The following COG5 variants were observed in gnomAD, a reference collection of about 807,000 sequenced individuals.
COG5 encodes component of oligomeric golgi complex 5, also known as conserved oligomeric Golgi complex subunit 5.
In COG5, 86 loss-of-function variants were observed where a neutral mutation model predicts 110.4. The observed-to-expected ratio is 0.78, with a 90% confidence interval of 0.65 to 0.93. The LOEUF (loss-of-function observed/expected upper bound fraction) is 0.93, where lower values mean the gene tolerates loss of function less well. COG5 is among the 40% of genes least tolerant of loss of function. COG5 has a pLI of 0.00. For synonymous variants in COG5, 360 were observed against 334.6 expected (o/e 1.08, Z -0.83); for missense variants, 1,077 against 987.0 (o/e 1.09, Z -1.22).
chr7:107,358,950 A>G (rs938267268), intron 10 of COG5, among the ~76,000 whole-genome samples: 1 of 152,006 alleles, frequency 6.6e-6, no homozygotes, highest in African/African-American at 2.4e-5. Context: ...GCATCCTTTC[A>G]TTGTCACAAA....
chr7:107,462,622 A>AC (rs1563049353), intron 6 of COG5, among the ~76,000 whole-genome samples: 1 of 151,846 alleles, frequency 6.6e-6, no homozygotes, highest in African/African-American at 2.4e-5. Context: ...AAAAAAAAAA[A>AC]AAAAAAAACT....
intron 11 of COG5, among the ~76,000 whole-genome samples, chr7:107,308,285 GTT>G (rs1190824814): frequency 2.0e-5 from 3 of 152,212 alleles, no homozygotes; most frequent in East Asian, 3.9e-4. Context: ...AATTCCTTAT[GTT>G]TGGGTCTTAC....
intron 12 of COG5, among the ~76,000 whole-genome samples, chr7:107,295,066 C>CACACACATATATAT (rs1366898060): frequency 2.2e-5 from 1 of 45,848 alleles, no homozygotes; most frequent in Admixed American, 3.2e-4. Context: ...CACACACACA[C>CACACACATATATAT]ATATATATAT....
chr7:107,438,976 C>T (rs535636016), intron 6 of COG5, among the ~76,000 whole-genome samples: 1 of 152,270 alleles, frequency 6.6e-6, no homozygotes, highest in East Asian at 1.9e-4. Flanking sequence ...TCTTCTCCCT[C>T]CACCCTCTTC....
At chr7:107,478,225 G>T (rs1284223209) in intron 6 of COG5, among the ~76,000 whole-genome samples, 1 of 151,884 alleles carries the variant, frequency 6.6e-6, no homozygotes, top group Non-Finnish European at 1.5e-5. Context: ...TAATTTAAGG[G>T]AGCTGTTACT....
intron 11 of COG5, among the ~76,000 whole-genome samples, chr7:107,311,036 G>A (rs1054348566): frequency 2.0e-5 from 3 of 152,130 alleles, no homozygotes; most frequent in African/African-American, 7.2e-5. Context: ...TTTGGGTTGT[G>A]TGCAATTTTT....
At chr7:107,492,660 C>T (rs114315937) in intron 6 of COG5, among the ~76,000 whole-genome samples, 295 of 152,200 alleles carry the variant, frequency 1.9e-3, no homozygotes, top group African/African-American at 6.6e-3. Flanking sequence ...TCAAAGCCAA[C>T]AATGGCAAAT....
chr7:107,209,614 A>C (rs1370493491), intron 21 of COG5: 2 of 162,690 alleles, frequency 1.2e-5, no homozygotes, highest in Non-Finnish European at 2.6e-5. Flanking sequence ...GGCTAGAAGA[A>C]GATAATTCAG....
chr7:107,379,936 T>A (rs542146167), intron 7 of COG5, among the ~76,000 whole-genome samples: 31 of 152,254 alleles, frequency 2.0e-4, no homozygotes, highest in African/African-American at 7.5e-4. Flanking sequence ...CTAATAGTCA[T>A]CTACAGAACT....
chr7:107,300,169 G>A (rs1807143546), intron 11 of COG5, among the ~76,000 whole-genome samples: 1 of 151,974 alleles, frequency 6.6e-6, no homozygotes, highest in East Asian at 1.9e-4. Context: ...ACTAGGAACA[G>A]AAAGGAACAC....
rs1251907729 is a variant in COG5, at chr7:107,555,586, C to G, written c.235-1244G>C. 7.6e-4 allele frequency among the ~76,000 whole-genome samples: 115 copies of G among 152,190 alleles called. 1 individual carries two copies. Among genetic ancestry groups the G allele is most frequent in the Non-Finnish European group, 7.3e-5 (5 of 68,038 alleles). On this transcript the variant is annotated intron_variant, in intron 2 of 21. Coordinates refer to ENST00000297135, the MANE Select transcript of COG5 (RefSeq NM_006348.5). ...AATATGTCCATCTTAACAAGACTAACTTTTTAAAAATTATCTATTCTCCTT... is the reference window on the plus strand; with the variant it reads ...AATATGTCCATCTTAACAAGACTAAGTTTTTAAAAATTATCTATTCTCCTT...
At chr7:107,269,792 C>T (rs1277175224) in intron 14 of COG5, among the ~76,000 whole-genome samples, 1 of 152,130 alleles carries the variant, frequency 6.6e-6, no homozygotes, top group Non-Finnish European at 1.5e-5. Flanking sequence ...TGCATTCAAC[C>T]ATTAAATAGC....
chr7:107,412,330 C>T (rs1050412908), intron 7 of COG5, among the ~76,000 whole-genome samples, 172 bp downstream of exon 7: 1 of 149,362 alleles, frequency 6.7e-6, no homozygotes, highest in African/African-American at 2.4e-5. Context: ...ATATATTAAA[C>T]ATATATTAAA....
intron 5 of COG5, among the ~76,000 whole-genome samples, chr7:107,545,221 A>G (rs1473479461): frequency 6.6e-6 from 1 of 152,222 alleles, no homozygotes; most frequent in Non-Finnish European, 1.5e-5. Flanking sequence ...TTAAAAAATA[A>G]TAACAAAAAT....
chr7:107,214,216 A>C (rs1799361388), intron 19 of COG5, among the ~76,000 whole-genome samples: 1 of 152,208 alleles, frequency 6.6e-6, no homozygotes, highest in Admixed American at 6.5e-5. Flanking sequence ...TAAACTGTCA[A>C]AAATAAAAGA....
At chr7:107,368,224 GA>G (rs1303802669) in intron 8 of COG5, among the ~76,000 whole-genome samples, 4 of 151,904 alleles carry the variant, frequency 2.6e-5, no homozygotes, top group African/African-American at 9.7e-5. Flanking sequence ...TTCTTATGAA[GA>G]AGCATTAATT....
chr7:107,354,974 T>C (rs2129043278), intron 10 of COG5, among the ~76,000 whole-genome samples: 1 of 152,324 alleles, frequency 6.6e-6, no homozygotes, highest in Middle Eastern at 3.4e-3. Flanking sequence ...GATTTGGCTT[T>C]CCAAATGCTA....
chr7:107,236,418 A>G (rs1168132651), intron 18 of COG5, 32 bp downstream of exon 18: 1 of 1,508,248 alleles, frequency 6.6e-7, no homozygotes, highest in Non-Finnish European at 9.2e-7. Flanking sequence ...AGGCCAAAAC[A>G]TTTTTTCTTT....
intron 21 of COG5, 145 bp downstream of exon 21, chr7:107,210,381 C>G (rs138246683): frequency 6.9e-7 from 1 of 1,455,070 alleles, no homozygotes; most frequent in East Asian, 2.5e-5. Context: ...CTCCAGCACC[C>G]GTGCCTAGGC....
Sources: gnomAD v4.1 joint callset for allele counts (sites outside exome capture counted in the v4.1 genomes callset) on GRCh38, gnomAD v4.1.1 for gene constraint, MANE v1.5 for transcripts, NCBI Gene and HGNC (gene_info 2026-07-23, HGNC 2026-07-21) for gene names.